The following PRKCE variants were observed in gnomAD, a reference collection of about 807,000 sequenced individuals.
PRKCE encodes the protein protein kinase C epsilon.
PRKCE carries 16 observed loss-of-function variants against 85.4 expected under a neutral mutation model. The ratio of observed to expected loss-of-function variants is 0.19; its 90% CI spans 0.13 to 0.28. The LOEUF (loss-of-function observed/expected upper bound fraction) is 0.28. Among genes scored for constraint, PRKCE ranks in the 10% least tolerant of loss-of-function variants. The probability of loss-of-function intolerance (pLI) is 1.00; values close to 1 mark genes in which losing one functional copy is unlikely to be tolerated. For synonymous variants in PRKCE, 388 were observed against 371.5 expected (o/e 1.04, Z -0.51); for missense variants, 573 against 975.2 (o/e 0.59, Z 5.49).
intron 1 of PRKCE, among the ~76,000 whole-genome samples, chr2:45,812,944 A>G (rs917796687): frequency 2.6e-5 from 4 of 152,244 alleles, no homozygotes; most frequent in African/African-American, 9.6e-5. Context: ...TAAAGCTTTG[A>G]CAGGTTAAGA....
chr2:45,990,177 G>T (rs1041392569), intron 6 of PRKCE, among the ~76,000 whole-genome samples: 1 of 152,172 alleles, frequency 6.6e-6, no homozygotes, highest in Non-Finnish European at 1.5e-5. Context: ...TGGGGCTGTT[G>T]TCTCATCTGA....
chr2:45,893,422 C>T (rs930683884), intron 2 of PRKCE, among the ~76,000 whole-genome samples: 3 of 150,068 alleles, frequency 2.0e-5, no homozygotes, highest in African/African-American at 7.4e-5. Flanking sequence ...AGCTGGAGTG[C>T]AGTGGCGCAA....
intron 10 of PRKCE, among the ~76,000 whole-genome samples, chr2:46,046,440 T>A (rs542793487): frequency 6.6e-6 from 1 of 152,348 alleles, no homozygotes; most frequent in South Asian, 2.1e-4. Flanking sequence ...AATCACCTCC[T>A]GAAGTTGAAT....
intron 1 of PRKCE, among the ~76,000 whole-genome samples, chr2:45,693,997 TG>T (rs1677946575): frequency 2.6e-5 from 4 of 151,830 alleles, no homozygotes. Context: ...GTTTAATCCG[TG>T]AGGGTCACTC....
At chr2:46,097,537 A>G (rs1013776502) in intron 11 of PRKCE, among the ~76,000 whole-genome samples, 2 of 143,740 alleles carry the variant, frequency 1.4e-5, no homozygotes, top group African/African-American at 2.5e-5. Flanking sequence ...AAAAAAAAAA[A>G]GCTGTGAAGT....
At chr2:45,679,834 G>T (rs1676749143) in intron 1 of PRKCE, among the ~76,000 whole-genome samples, 1 of 152,164 alleles carries the variant, frequency 6.6e-6, no homozygotes, top group Non-Finnish European at 1.5e-5. Context: ...GAGAGGACTG[G>T]TTCAGCTTGG....
intron 2 of PRKCE, among the ~76,000 whole-genome samples, chr2:45,891,679 G>T (rs527949211): frequency 2.4e-4 from 36 of 152,306 alleles, no homozygotes; most frequent in Admixed American, 1.4e-3. Flanking sequence ...TCTTCCGCAC[G>T]TAGAGTGGGG....
At chr2:45,968,344 T>C (rs904872335) in intron 2 of PRKCE, among the ~76,000 whole-genome samples, 5 of 152,228 alleles carry the variant, frequency 3.3e-5, no homozygotes, top group African/African-American at 1.2e-4. Context: ...TGGAGGACAT[T>C]ATTCCATTAT....
chr2:45,761,963 C>T (rs945261333), intron 1 of PRKCE, among the ~76,000 whole-genome samples: 1 of 152,136 alleles, frequency 6.6e-6, no homozygotes, highest in Non-Finnish European at 1.5e-5. Context: ...TGCTTCCCAT[C>T]AGGGAGTTAC....
At chr2:45,878,245 A>G (rs1400656506) in intron 2 of PRKCE, among the ~76,000 whole-genome samples, 1 of 152,220 alleles carries the variant, frequency 6.6e-6, no homozygotes. Context: ...GGACTGGTTC[A>G]TTGTGCTTGG....
chr2:45,785,314 A>T (rs1450855700), intron 1 of PRKCE, among the ~76,000 whole-genome samples: 1 of 152,142 alleles, frequency 6.6e-6, no homozygotes, highest in Non-Finnish European at 1.5e-5. Flanking sequence ...AACATGGCGA[A>T]ACCCTGTCTC....
intron 2 of PRKCE, among the ~76,000 whole-genome samples, chr2:45,890,244 T>C (rs1309710751): frequency 6.6e-6 from 1 of 152,220 alleles, no homozygotes; most frequent in African/African-American, 2.4e-5. Flanking sequence ...ATTCCTAGCT[T>C]AGTTATTACC....
intron 2 of PRKCE, among the ~76,000 whole-genome samples, chr2:45,969,602 C>T (rs976629243): frequency 2.0e-5 from 3 of 152,204 alleles, no homozygotes; most frequent in African/African-American, 4.8e-5. Flanking sequence ...CCCTTCTCCA[C>T]GGCAAGCTGC....
chr2:45,933,153 C>T (rs1699164504), intron 2 of PRKCE, among the ~76,000 whole-genome samples: 1 of 152,100 alleles, frequency 6.6e-6, no homozygotes, highest in Admixed American at 6.5e-5. Flanking sequence ...GTCTTTTGCC[C>T]ATTTTTCTAT....
chr2:45,881,146 CCG>C (rs1412844228), intron 2 of PRKCE, among the ~76,000 whole-genome samples: 1 of 131,994 alleles, frequency 7.6e-6, no homozygotes, highest in African/African-American at 3.2e-5. Flanking sequence ...GAGCGAGACT[CCG>C]TCTCAAAAAA....
intron 1 of PRKCE, among the ~76,000 whole-genome samples, chr2:45,737,047 C>G (rs1682129436): frequency 6.6e-6 from 1 of 152,178 alleles, no homozygotes; most frequent in Non-Finnish European, 1.5e-5. Flanking sequence ...TCGTGCATCT[C>G]TCTGCCTGTG....
rs556663527 is a variant in PRKCE, at chr2:45,656,461, G to T, written c.348+4013G>T. Among the ~76,000 whole-genome samples, 5 of 152,324 alleles carry T rather than the reference G, an allele frequency of 3.3e-5. 1 individual carries two copies. Among genetic ancestry groups the T allele is most frequent in the African/African-American group, 9.6e-5 (4 of 41,572 alleles). ...TGTTTCAGTTGTGATGACAAAGGAG[G>T]TTGCTTTAGAGAAAGCTCATTACAA... On this transcript the variant is annotated intron_variant, in intron 1 of 14. Coordinates refer to ENST00000306156, the MANE Select transcript of PRKCE (RefSeq NM_005400.3).
chr2:46,163,653 A>T (rs1678009644), intron 14 of PRKCE, among the ~76,000 whole-genome samples: 1 of 145,844 alleles, frequency 6.9e-6, no homozygotes, highest in African/African-American at 2.6e-5. Context: ...AGACACAGGG[A>T]AGCTGAGGCA....
intron 1 of PRKCE, among the ~76,000 whole-genome samples, chr2:45,659,200 C>T (rs1029805905): frequency 3.3e-5 from 5 of 152,200 alleles, no homozygotes; most frequent in African/African-American, 7.2e-5. Flanking sequence ...TACCTATTTT[C>T]CCCTCTCCTC....
Sources: allele counts gnomAD v4.1 joint callset (sites outside exome capture counted in the v4.1 genomes callset), GRCh38; gene constraint gnomAD v4.1.1; transcripts MANE v1.5; gene names NCBI Gene and HGNC (gene_info 2026-07-23, HGNC 2026-07-21).